EYS: variants seen among roughly 807,000 people sequenced by gnomAD.
EYS encodes protein eyes shut homolog.
In EYS, 250 loss-of-function variants were observed where a neutral mutation model predicts 282.1. The ratio of observed to expected loss-of-function variants is 0.89; its 90% CI spans 0.80 to 0.98. The LOEUF (loss-of-function observed/expected upper bound fraction) is 0.98. EYS is among the 50% of genes least tolerant of loss of function. EYS has a pLI of 0.00. For synonymous variants in EYS, 1,355 were observed against 1,282.9 expected (o/e 1.06, Z -1.20); for missense variants, 4,016 against 3,709.0 (o/e 1.08, Z -2.15).
At chr6:64,100,698 T>C (rs1772795970) in intron 31 of EYS, among the ~76,000 whole-genome samples, 1 of 152,216 alleles carries the variant, frequency 6.6e-6, no homozygotes, top group Non-Finnish European at 1.5e-5. Context: ...TTCTTATATT[T>C]CTAGTTGAGA....
intron 12 of EYS, among the ~76,000 whole-genome samples, chr6:65,290,696 G>A (rs1470421098): frequency 2.0e-5 from 3 of 151,188 alleles, no homozygotes; most frequent in South Asian, 4.1e-4. Flanking sequence ...TCTAATAAAC[G>A]CATCTAAAAG....
intron 29 of EYS, among the ~76,000 whole-genome samples, chr6:64,376,547 G>A (rs1228939926): frequency 6.6e-6 from 1 of 152,204 alleles, no homozygotes; most frequent in Non-Finnish European, 1.5e-5. Flanking sequence ...CAAGGTATGT[G>A]AGGGGCCTGA....
At chr6:64,985,682 A>G (rs756038277) in intron 14 of EYS, among the ~76,000 whole-genome samples, 1 of 151,620 alleles carries the variant, frequency 6.6e-6, no homozygotes, top group Non-Finnish European at 1.5e-5. Flanking sequence ...ATTGGACACA[A>G]TATGAGTTTC....
intron 5 of EYS, among the ~76,000 whole-genome samples, chr6:65,477,658 TA>T (rs1372209855): frequency 2.0e-5 from 3 of 152,142 alleles, no homozygotes; most frequent in Non-Finnish European, 4.4e-5. Context: ...TTTTCACTTT[TA>T]AAACAAAGAA....
At chr6:65,493,510 C>A (rs1249997356) in intron 4 of EYS, among the ~76,000 whole-genome samples, 1 of 152,112 alleles carries the variant, frequency 6.6e-6, no homozygotes. Context: ...GTCTGTCAAA[C>A]CCTCAAATAA....
chr6:64,480,021 T>C (rs549270132), intron 26 of EYS, among the ~76,000 whole-genome samples: 1 of 152,022 alleles, frequency 6.6e-6, no homozygotes, highest in East Asian at 1.9e-4. Flanking sequence ...CATGAGTCCG[T>C]TGCTATGCCT....
chr6:65,081,124 T>C (rs988061523), intron 12 of EYS, among the ~76,000 whole-genome samples: 2 of 152,176 alleles, frequency 1.3e-5, no homozygotes, highest in African/African-American at 4.8e-5. Context: ...ATGACTGTTT[T>C]AAATGGTGAA....
intron 5 of EYS, among the ~76,000 whole-genome samples, chr6:65,438,263 A>G (rs752336813): frequency 4.6e-5 from 7 of 151,876 alleles, no homozygotes; most frequent in Non-Finnish European, 8.8e-5. Flanking sequence ...TCATTGATGG[A>G]CATTTGGGTT....
rs1185982984 is a variant in EYS at position 63,984,412 on chromosome 6, A to G, written c.7026T>C (p.His2342=). The G allele has an allele frequency of 1.3e-6, 2 of 1,549,544 alleles. No individual in the cohort carries two copies. The highest frequency in any genetic ancestry group is 4.9e-5 in the East Asian group (2 of 40,852). The change falls in exon 35 of 43, where the codon CAT becomes CAC. Residue 2342 remains histidine, a synonymous_variant. Transcript: ENST00000503581. The stretch of plus-strand genomic sequence containing the variant: ...TGCAGGTGCCATTGTTGCGGCACAG[A>G]TGATGAGCACACCAAGGGACGTGGC... ...ENCHVPWCAH[H]LCRNNGTCIS...
chr6:65,323,385 G>A (rs887894683), intron 11 of EYS, among the ~76,000 whole-genome samples: 8 of 151,532 alleles, frequency 5.3e-5, no homozygotes, highest in Admixed American at 1.3e-4. Flanking sequence ...AGATAGATGA[G>A]TGTAAATAAT....
At chr6:64,395,873 C>G (rs1182949066) in intron 28 of EYS, among the ~76,000 whole-genome samples, 1 of 152,018 alleles carries the variant, frequency 6.6e-6, no homozygotes, top group East Asian at 1.9e-4. Flanking sequence ...CAATGCCATT[C>G]TGTTCCATGA....
chr6:64,816,687 T>C (rs1189918796), intron 21 of EYS, among the ~76,000 whole-genome samples: 1 of 151,970 alleles, frequency 6.6e-6, no homozygotes, highest in Non-Finnish European at 1.5e-5. Context: ...TCAGAACAAA[T>C]ACGTAGGAAA....
At chr6:64,439,861 A>C (rs1411449932) in intron 26 of EYS, among the ~76,000 whole-genome samples, 1 of 151,888 alleles carries the variant, frequency 6.6e-6, no homozygotes, top group African/African-American at 2.4e-5. Context: ...GTAGATTTTC[A>C]GAAAAAAATG....
intron 14 of EYS, among the ~76,000 whole-genome samples, chr6:64,970,741 C>A (rs1393832088): frequency 6.6e-6 from 1 of 152,064 alleles, no homozygotes; most frequent in Non-Finnish European, 1.5e-5. Flanking sequence ...AGTGATGCTG[C>A]AAGTGCTCCC....
intron 12 of EYS, among the ~76,000 whole-genome samples, chr6:65,268,636 T>C (rs1012228632): frequency 6.6e-6 from 1 of 152,040 alleles, no homozygotes; most frequent in Non-Finnish European, 1.5e-5. Context: ...GAAAGAAACA[T>C]TTAACTTTGA....
At chr6:65,451,619 T>C (rs1764401019) in intron 5 of EYS, among the ~76,000 whole-genome samples, 1 of 152,020 alleles carries the variant, frequency 6.6e-6, no homozygotes. Context: ...ATAACTTGGA[T>C]TTGTCATTAG....
At chr6:64,884,680 C>A (rs910816174) in intron 19 of EYS, among the ~76,000 whole-genome samples, 36 of 151,558 alleles carry the variant, frequency 2.4e-4, no homozygotes, top group African/African-American at 8.7e-4. Flanking sequence ...ATTTGAATGT[C>A]AAAAGAGTAT....
At chr6:65,001,294 G>C (rs1321992879) in intron 13 of EYS, among the ~76,000 whole-genome samples, 2 of 147,264 alleles carry the variant, frequency 1.4e-5, no homozygotes, top group African/African-American at 4.9e-5. Flanking sequence ...TGGTGGAGGT[G>C]GCTCTCAGCA....
At chr6:64,729,607 T>C (rs1460966820) in intron 22 of EYS, among the ~76,000 whole-genome samples, 1 of 152,180 alleles carries the variant, frequency 6.6e-6, no homozygotes, top group East Asian at 1.9e-4. Flanking sequence ...TGTCAACCCA[T>C]AGATGAGTAA....
Sources: gnomAD v4.1 joint callset for allele counts (sites outside exome capture counted in the v4.1 genomes callset) on GRCh38, gnomAD v4.1.1 for gene constraint, MANE v1.5 for transcripts, NCBI Gene and HGNC (gene_info 2026-07-23, HGNC 2026-07-21) for gene names.